KPNA7: variants seen among roughly 807,000 people sequenced by gnomAD.
The protein encoded by KPNA7 is karyopherin subunit alpha 7.
A neutral mutation model predicts 53.7 loss-of-function variants in KPNA7; 54 were observed. That is an observed-to-expected ratio of 1.01 (90% CI 0.81 to 1.26). The LOEUF (loss-of-function observed/expected upper bound fraction) is 1.26. KPNA7 is among the 50% of genes most tolerant of loss of function. The probability of loss-of-function intolerance (pLI) is 0.00; values close to 1 mark genes in which losing one functional copy is unlikely to be tolerated. For synonymous variants in KPNA7, 276 were observed against 259.3 expected, an observed-to-expected ratio of 1.06 and a Z score of -0.62; for missense variants, 640 against 644.5, an observed-to-expected ratio of 0.99 and a Z score of 0.07.
upstream of KPNA7, among the ~76,000 whole-genome samples, chr7:99,212,074 T>C (rs551754027): frequency 6.6e-6 from 1 of 152,136 alleles, no homozygotes; most frequent in Admixed American, 6.6e-5. Context: ...TATCTCAGGC[T>C]TTAGATTTCT....
At chr7:99,215,864 C>T (rs1242306625) in intron 1 of KPNA7, among the ~76,000 whole-genome samples, 1 of 151,768 alleles carries the variant, frequency 6.6e-6, no homozygotes, top group Non-Finnish European at 1.5e-5. Context: ...GTCCCAGCTA[C>T]TCAGGAGGCT....
chr7:99,161,485 C>T, the KPNA7 span, among the ~76,000 whole-genome samples: 457 of 152,276 alleles, frequency 3.0e-3, 3 homozygotes, highest in Non-Finnish European at 4.3e-3. Flanking sequence ...AGTCCAACCT[C>T]ATAAAAGACC....
chr7:99,165,315 A>G, the KPNA7 span, among the ~76,000 whole-genome samples: 2 of 151,830 alleles, frequency 1.3e-5, no homozygotes, highest in East Asian at 3.9e-4. Flanking sequence ...AAAAAAAAAA[A>G]AAGGCTCAGA....
chr7:99,176,845 C>T (rs1043540058), intron 10 of KPNA7, among the ~76,000 whole-genome samples: 18 of 152,078 alleles, frequency 1.2e-4, no homozygotes, highest in Admixed American at 2.0e-4. Flanking sequence ...GCGGCCATTG[C>T]CTTCCAGCCT....
At chr7:99,157,472 G>A in the KPNA7 span, among the ~76,000 whole-genome samples, 75,083 of 152,062 alleles carry the variant, frequency 0.49, 21,446 homozygotes, top group East Asian at 0.65. Flanking sequence ...GCCTCTCAAA[G>A]TGTTGGGATT....
In KPNA7 at chr7:99,177,951, G is replaced by A. The variant is rs1798977090; in HGVS notation, c.1433C>T (p.Ala478Val). 1 of 1,551,918 alleles carries A rather than the reference G, an allele frequency of 6.4e-7. No homozygotes were observed. Among genetic ancestry groups the A allele is most frequent in the Non-Finnish European group, 8.7e-7 (1 of 1,147,074 alleles). ...LHENRQIGQS[A>V]LNIIEKHFGE... ...AAAGTGCTTCTCGATGATGTTCAAA[G>A]CCGACTGGCCAATTTGACGGTTCTC... The change falls in exon 10 of 11, where the codon GCT becomes GTT. Residue 478 changes from alanine to valine, a missense_variant. Ala to Val is a moderately conservative substitution (Grantham distance 64, BLOSUM62 0). Transcript: ENST00000327442.
chr7:99,213,430 T>TAAA (rs61231738), intron 1 of KPNA7, among the ~76,000 whole-genome samples: 1,932 of 72,884 alleles, frequency 0.027, 53 homozygotes, highest in East Asian at 0.098. Flanking sequence ...CCTGGCCTTT[T>TAAA]AAAAAAAAAA....
intron 2 of KPNA7, among the ~76,000 whole-genome samples, chr7:99,205,528 G>A (rs1025189586): frequency 1.3e-5 from 2 of 151,764 alleles, no homozygotes; most frequent in African/African-American, 2.4e-5. Context: ...CCAAGGTGGA[G>A]CTAAACTTAT....
chr7:99,210,934 G>A (rs1196138594), upstream of KPNA7, among the ~76,000 whole-genome samples: 1 of 151,886 alleles, frequency 6.6e-6, no homozygotes, highest in African/African-American at 2.4e-5. Flanking sequence ...TTACAGGTAT[G>A]TAATATTCAT....
At chr7:99,152,363 A>AAAAAAAG in the KPNA7 span, among the ~76,000 whole-genome samples, 1,619 of 151,814 alleles carry the variant, frequency 0.011, 31 homozygotes, top group African/African-American at 0.038. Flanking sequence ...GTCTCAAAAA[A>AAAAAAAG]AAAAAGAAAA....
chr7:99,190,348 AAGCAG>A (rs1380666633), intron 6 of KPNA7, among the ~76,000 whole-genome samples: 13 of 149,324 alleles, frequency 8.7e-5, no homozygotes, highest in East Asian at 3.9e-4. Context: ...AAAAAAAAAA[AAGCAG>A]AAAAAAAAGC....
the KPNA7 span, among the ~76,000 whole-genome samples, chr7:99,163,099 T>G: frequency 6.6e-6 from 1 of 151,706 alleles, no homozygotes; most frequent in East Asian, 1.9e-4. Flanking sequence ...GAGGATCACT[T>G]GAACCTGGGA....
At chr7:99,205,841 T>G (rs566551768) in intron 2 of KPNA7, among the ~76,000 whole-genome samples, 1 of 152,128 alleles carries the variant, frequency 6.6e-6, no homozygotes, top group Admixed American at 6.6e-5. Context: ...ATGAAGCAAG[T>G]CTTCATCTCA....
rs1041727630 is a variant in KPNA7 at position 99,188,287 on chromosome 7, G to T, written c.900+13C>A. 1.9e-6 allele frequency: 3 copies of T among 1,548,918 alleles called. No homozygotes were observed. Among genetic ancestry groups the T allele is most frequent in the Non-Finnish European group, 2.6e-6 (3 of 1,145,170 alleles). ...CGAGGACTCGAATCCACAGGGCCCA[G>T]GATTGCATTTACCAAGACATTGAGT... On this transcript the variant is annotated intron_variant, in intron 7 of 10. Coordinates refer to ENST00000327442, the MANE Select transcript of KPNA7 (RefSeq NM_001145715.3).
intron 2 of KPNA7, among the ~76,000 whole-genome samples, chr7:99,204,139 G>T (rs966301994): frequency 1.3e-5 from 2 of 152,104 alleles, no homozygotes; most frequent in African/African-American, 4.8e-5. Context: ...CAGCACTTTG[G>T]GAGGTCAAGG....
chr7:99,190,449 TTTGGCAGG>T lies in KPNA7; in HGVS notation c.637-1894_637-1887del, dbSNP rs1353731932. 2.6e-5 allele frequency among the ~76,000 whole-genome samples: 4 copies of T among 152,250 alleles called. No homozygotes were observed. In the South Asian group the frequency reaches 8.3e-4, roughly 32 times the overall value. On this transcript the variant is annotated intron_variant, in intron 6 of 10. Transcript: ENST00000327442. ...AAATTAGCTGTTTCTACTTAGTCTT[TTTGGCAGG>T]CTCTGCCTGAATTTAGAACCTTAGA...
chr7:99,188,682 T>G lies in KPNA7; in HGVS notation c.637-119A>C, dbSNP rs555603682. On this transcript the variant is annotated intron_variant, in intron 6 of 10. Transcript: ENST00000327442. The stretch of plus-strand genomic sequence containing the variant: ...CAGCATGAACCAGAGCTTTTTAAAA[T>G]TTTATTTATTATTTTCAGACAGCCT... 1,753 of 1,089,904 alleles carry G rather than the reference T, an allele frequency of 1.6e-3. 5 individuals are homozygous for G. The highest frequency in any genetic ancestry group is 2.1e-3 in the Non-Finnish European group (1,613 of 773,146). 67.5% of individuals were successfully genotyped at this position (1,089,904 alleles called of 1,614,324 possible). A position where few individuals can be genotyped will look rare whatever the true frequency, so the allele number is the denominator to read the frequency against.
At chr7:99,188,663 G>T (rs1217746947) in intron 6 of KPNA7, 100 bp from the exon 7 acceptor site, 4 of 1,201,852 alleles carry the variant, frequency 3.3e-6, no homozygotes, top group African/African-American at 3.1e-5. Context: ...AGATCAGCAT[G>T]AACCAGAGCT....
chr7:99,177,296 C>T (rs1238776596), intron 10 of KPNA7, among the ~76,000 whole-genome samples: 6 of 152,038 alleles, frequency 3.9e-5, no homozygotes, highest in East Asian at 3.9e-4. Flanking sequence ...GTTGTGGAGA[C>T]GGGCCGGGTG....
Sources: gnomAD v4.1 joint callset for allele counts (sites outside exome capture counted in the v4.1 genomes callset) on GRCh38, gnomAD v4.1.1 for gene constraint, MANE v1.5 for transcripts, NCBI Gene and HGNC (gene_info 2026-07-23, HGNC 2026-07-21) for gene names.